The following CLIP2 variants were observed in gnomAD, a reference collection of about 807,000 sequenced individuals.
The protein encoded by CLIP2 is CAP-Gly domain-containing linker protein 2.
A neutral mutation model predicts 111.7 loss-of-function variants in CLIP2; 41 were observed. That is an observed-to-expected ratio of 0.37 (90% confidence interval 0.29 to 0.48). CLIP2 has a LOEUF of 0.48. CLIP2 is among the 20% of genes least tolerant of loss of function. CLIP2 has a pLI of 0.99. For missense variants in CLIP2, 1,160 were observed against 1,422.1 expected (o/e 0.82, Z 2.96); for synonymous variants, 660 against 644.2 (o/e 1.02, Z -0.37).
intron 3 of CLIP2, among the ~76,000 whole-genome samples, chr7:74,352,245 G>A (rs111622785): frequency 6.6e-4 from 100 of 152,136 alleles, no homozygotes; most frequent in African/African-American, 2.2e-3. Context: ...GACCAGCCTG[G>A]CCAACATGGT....
intron 7 of CLIP2, among the ~76,000 whole-genome samples, chr7:74,361,609 C>T (rs1554309809): frequency 6.6e-6 from 1 of 152,190 alleles, no homozygotes; most frequent in Non-Finnish European, 1.5e-5. Flanking sequence ...CCTCAACCTT[C>T]TGGGCTCATG....
At chr7:74,398,216 G>A (rs892628238) in intron 14 of CLIP2, among the ~76,000 whole-genome samples, 7 of 151,950 alleles carry the variant, frequency 4.6e-5, no homozygotes, top group African/African-American at 9.7e-5. Flanking sequence ...AAAATTAGCC[G>A]GGCATGGTGG....
At chr7:74,387,292 A>G (rs569820672) in intron 12 of CLIP2, among the ~76,000 whole-genome samples, 1 of 152,106 alleles carries the variant, frequency 6.6e-6, no homozygotes, top group South Asian at 2.1e-4. Context: ...TCTGTCACCT[A>G]GGCTGGAGTG....
intron 2 of CLIP2, among the ~76,000 whole-genome samples, chr7:74,336,479 C>A (rs1789463320): frequency 6.6e-6 from 1 of 151,892 alleles, no homozygotes; most frequent in African/African-American, 2.4e-5. Context: ...TACATGGCGG[C>A]AGACAAGAGA....
intron 2 of CLIP2, among the ~76,000 whole-genome samples, chr7:74,325,276 G>C (rs1789078646): frequency 1.3e-5 from 2 of 152,236 alleles, no homozygotes; most frequent in South Asian, 4.1e-4. Context: ...GGTGGTGCAG[G>C]GCTACAAGGG....
chr7:74,381,292 G>T (rs1317522307), intron 11 of CLIP2, among the ~76,000 whole-genome samples: 2 of 151,952 alleles, frequency 1.3e-5, no homozygotes. Flanking sequence ...TGGTTCAAGC[G>T]ATTCTCCTGC....
chr7:74,334,145 T>A (rs1789380113), intron 2 of CLIP2, among the ~76,000 whole-genome samples: 1 of 152,228 alleles, frequency 6.6e-6, no homozygotes, highest in South Asian at 2.1e-4. Flanking sequence ...AGCCAGTATG[T>A]CACTGATGAC....
At position 74,399,239 on chromosome 7, in the gene CLIP2, C is replaced by T. The variant is rs571471238; in HGVS notation, c.2881-1131C>T. Among the ~76,000 whole-genome samples, 14 of 151,930 alleles carry T rather than the reference C, an allele frequency of 9.2e-5. No individual in the cohort carries two copies. In the South Asian group the frequency reaches 1.0e-3, roughly 11 times the overall value. On this transcript the variant is annotated intron_variant, in intron 14 of 16. Transcript: ENST00000223398. ...ACCTCATAAGACAGTTGGGTGGGGG[C>T]AGTGTAAGAAGAAGGGTGCTGGGTG...
At chr7:74,346,712 G>A in intron 3 of CLIP2, among the ~76,000 whole-genome samples, 1 of 115,760 alleles carries the variant, frequency 8.6e-6, no homozygotes. Context: ...GACAGAGTAA[G>A]ATTCTCAAAA....
chr7:74,355,521 G>A (rs185674457), intron 4 of CLIP2, among the ~76,000 whole-genome samples: 1 of 152,112 alleles, frequency 6.6e-6, no homozygotes, highest in Non-Finnish European at 1.5e-5. Flanking sequence ...GAGGTGGGAG[G>A]ATTGCATGAG....
intron 3 of CLIP2, among the ~76,000 whole-genome samples, chr7:74,340,167 G>A (rs782041528): frequency 2.0e-5 from 3 of 152,026 alleles, no homozygotes; most frequent in African/African-American, 7.2e-5. Flanking sequence ...AGGCCAAGTC[G>A]GGCAAATCAT....
At position 74,380,757 on chromosome 7, in the gene CLIP2, G is replaced by A. The variant is rs555943015; in HGVS notation, c.2422-49G>A. Reference sequence around the variant, plus strand: ...TGCTTGCTGGGCTGGCTGGGGCTGGGGCCAAGGGGCAGAGGTGAGCATCCC... The same window carrying A: ...TGCTTGCTGGGCTGGCTGGGGCTGGAGCCAAGGGGCAGAGGTGAGCATCCC... On this transcript the variant is annotated intron_variant, in intron 10 of 16. Coordinates refer to ENST00000223398, the MANE Select transcript of CLIP2 (RefSeq NM_003388.5). 5.9e-6 allele frequency: 9 copies of A among 1,523,668 alleles called. 1 individual carries two copies. The South Asian group carries it at 9.7e-5, about 16-fold the overall frequency. 94.4% of individuals were successfully genotyped at this position (1,523,668 alleles called of 1,614,324 possible).
intron 16 of CLIP2, among the ~76,000 whole-genome samples, chr7:74,403,501 G>A (rs1378811273): frequency 6.6e-6 from 1 of 152,044 alleles, no homozygotes; most frequent in African/African-American, 2.4e-5. Flanking sequence ...CCAGGGAGTC[G>A]AAGGTTGCAG....
chr7:74,392,645 G>A (rs1474444956), intron 13 of CLIP2, among the ~76,000 whole-genome samples: 1 of 152,076 alleles, frequency 6.6e-6, no homozygotes, highest in African/African-American at 2.4e-5. Flanking sequence ...TGGCCAAGAT[G>A]ATGAAACCCC....
At chr7:74,311,834 C>T (rs1554728547) in intron 1 of CLIP2, among the ~76,000 whole-genome samples, 1 of 151,494 alleles carries the variant, frequency 6.6e-6, no homozygotes, top group African/African-American at 2.4e-5. Flanking sequence ...ATTGCTTGAG[C>T]CCAGGAGTTG....
chr7:74,374,099 A>G (rs1446190295), intron 9 of CLIP2, among the ~76,000 whole-genome samples: 1 of 152,122 alleles, frequency 6.6e-6, no homozygotes, highest in African/African-American at 2.4e-5. Context: ...CCGGCCCCCC[A>G]GCAGTCCCTC....
intron 1 of CLIP2, among the ~76,000 whole-genome samples, chr7:74,295,691 T>G (rs1554725980): frequency 6.6e-6 from 1 of 152,092 alleles, no homozygotes. Context: ...ATAAACGCAG[T>G]ATAACCAGAT....
In CLIP2 at chr7:74,338,329, C is replaced by T; in HGVS notation, c.122-119C>T. 1 of 1,110,802 alleles carries T rather than the reference C, an allele frequency of 9.0e-7. No homozygotes were observed. The highest frequency in any genetic ancestry group is 2.6e-5 in the East Asian group (1 of 38,388). 68.8% of individuals were successfully genotyped at this position (1,110,802 alleles called of 1,614,324 possible). On this transcript the variant is annotated intron_variant, in intron 2 of 16. Transcript: ENST00000223398. This position sits in a 1 kb window ranked among gnomAD's most constrained non-coding sequence, Gnocchi z 4.3. The stretch of plus-strand genomic sequence containing the variant: ...CCAGCCTGGCCGAGATGGTGAAACC[C>T]CATCTCTACCCAAAAATACAAATCA...
At chr7:74,336,519 CTT>C (rs1226262443) in intron 2 of CLIP2, among the ~76,000 whole-genome samples, 1 of 151,974 alleles carries the variant, frequency 6.6e-6, no homozygotes. Flanking sequence ...GGGGAAACCT[CTT>C]ATAAAATCTT....
Sources: allele counts gnomAD v4.1 joint callset (sites outside exome capture counted in the v4.1 genomes callset), GRCh38; gene constraint gnomAD v4.1.1; non-coding constraint Gnocchi (gnomAD v3.1); transcripts MANE v1.5; gene names NCBI Gene and HGNC (gene_info 2026-07-23, HGNC 2026-07-21).